DYM: variants seen among roughly 807,000 people sequenced by gnomAD.
DYM encodes the protein dyggve-Melchior-Clausen syndrome protein.
In DYM, 78 loss-of-function variants were observed where a neutral mutation model predicts 93.1. The ratio of observed to expected loss-of-function variants is 0.84; its 90% confidence interval spans 0.70 to 1.01. The LOEUF (loss-of-function observed/expected upper bound fraction) is 1.01. DYM is among the 50% of genes least tolerant of loss of function. The pLI is 0.00. For synonymous variants in DYM, 321 were observed against 319.7 expected (o/e 1.00, Z -0.04); for missense variants, 789 against 845.0 (o/e 0.93, Z 0.82).
rs566768350 is a variant in DYM at position 49,201,575 on chromosome 18, T to C, written c.1625+7976A>G. 1.2e-4 allele frequency among the ~76,000 whole-genome samples: 18 copies of C among 152,344 alleles called. No homozygotes were observed. The South Asian group carries it at 3.5e-3, about 30-fold the overall frequency. ...ATAAAATACATGAAATGGCCTGGCC[T>C]AGCATTCAAGGCCCTCGAGAGTCTG... On this transcript the variant is annotated intron_variant, in intron 14 of 17. Coordinates refer to ENST00000675505, the MANE Select transcript of DYM (RefSeq NM_001353214.3).
intron 2 of DYM, among the ~76,000 whole-genome samples, chr18:49,394,713 A>G (rs2069828671): frequency 6.6e-6 from 1 of 152,122 alleles, no homozygotes. Flanking sequence ...TTTCATCAAT[A>G]TCTTATAGTT....
intron 3 of DYM, among the ~76,000 whole-genome samples, chr18:49,382,809 T>C (rs1170597939): frequency 2.0e-5 from 3 of 152,292 alleles, no homozygotes; most frequent in African/African-American, 7.2e-5. Context: ...GATGCTTGTG[T>C]AAAGAAGGGA....
chr18:49,417,555 C>A (rs1048465880), intron 2 of DYM, among the ~76,000 whole-genome samples: 11 of 125,556 alleles, frequency 8.8e-5, no homozygotes, highest in African/African-American at 3.0e-4. Flanking sequence ...GTATATATGC[C>A]CCCCCATTAA....
At chr18:49,258,837 C>G (rs2094439500) in intron 11 of DYM, among the ~76,000 whole-genome samples, 4 of 138,038 alleles carry the variant, frequency 2.9e-5, no homozygotes, top group African/African-American at 2.8e-5. Context: ...CACACACACA[C>G]ACAGAGAGAG....
intron 17 of DYM, among the ~76,000 whole-genome samples, chr18:49,080,339 A>ACC (rs1368153923): frequency 1.2e-5 from 1 of 81,688 alleles, no homozygotes; most frequent in African/African-American, 4.9e-5. Context: ...CGGGGGGCTG[A>ACC]CCCCCCCCAA....
intron 15 of DYM, among the ~76,000 whole-genome samples, chr18:49,161,375 A>T (rs2087106874): frequency 6.6e-6 from 1 of 152,246 alleles, no homozygotes. Flanking sequence ...ATTAAAGAAG[A>T]ATGCTACTAA....
At chr18:49,291,218 T>C (rs2060090468) in intron 8 of DYM, among the ~76,000 whole-genome samples, 1 of 152,242 alleles carries the variant, frequency 6.6e-6, no homozygotes, top group African/African-American at 2.4e-5. Flanking sequence ...AAGCAATGTA[T>C]AACAAAACAA....
chr18:49,274,145 T>G (rs2094785751), intron 10 of DYM, among the ~76,000 whole-genome samples: 1 of 152,010 alleles, frequency 6.6e-6, no homozygotes, highest in Non-Finnish European at 1.5e-5. Context: ...CCCATACCCT[T>G]TAACTATCAC....
chr18:49,402,137 A>T (rs2070923148), intron 2 of DYM, among the ~76,000 whole-genome samples: 1 of 152,164 alleles, frequency 6.6e-6, no homozygotes. Context: ...GATTTCATGA[A>T]GAGAATCTCC....
At chr18:49,374,349 AG>A (rs2067297882) in intron 5 of DYM, among the ~76,000 whole-genome samples, 1 of 152,204 alleles carries the variant, frequency 6.6e-6, no homozygotes, top group African/African-American at 2.4e-5. Flanking sequence ...CAATCCCAAA[AG>A]AAGATCAAGA....
intron 17 of DYM, among the ~76,000 whole-genome samples, chr18:49,068,814 A>C (rs1649928173): frequency 1.3e-5 from 2 of 152,334 alleles, no homozygotes; most frequent in African/African-American, 4.8e-5. Flanking sequence ...ATTCCAAGCC[A>C]TCTTTTTTAT....
chr18:49,444,665 C>G (rs1255731499), intron 1 of DYM, among the ~76,000 whole-genome samples: 6 of 152,154 alleles, frequency 3.9e-5, no homozygotes, highest in Non-Finnish European at 7.4e-5. Flanking sequence ...AACGAACATT[C>G]CACATTTCAA....
intron 9 of DYM, among the ~76,000 whole-genome samples, chr18:49,282,434 G>A (rs1322902417): frequency 1.3e-5 from 2 of 152,062 alleles, no homozygotes; most frequent in Admixed American, 6.6e-5. Context: ...CCAACATGGT[G>A]AAACCCCATC....
At chr18:49,456,693 G>A (rs1444651493) in intron 1 of DYM, among the ~76,000 whole-genome samples, 1 of 151,964 alleles carries the variant, frequency 6.6e-6, no homozygotes, top group Non-Finnish European at 1.5e-5. Flanking sequence ...TACTAAATAA[G>A]ACCTATATGT....
At chr18:49,052,399 A>G (rs550291647) in intron 17 of DYM, among the ~76,000 whole-genome samples, 2 of 152,368 alleles carry the variant, frequency 1.3e-5, no homozygotes, top group East Asian at 3.9e-4. Flanking sequence ...TTAGAAGTCT[A>G]AAGTACTAAG....
At chr18:49,137,449 C>A (rs1043041140) in intron 15 of DYM, among the ~76,000 whole-genome samples, 1 of 152,130 alleles carries the variant, frequency 6.6e-6, no homozygotes, top group African/African-American at 2.4e-5. Context: ...TAATGCTTGC[C>A]TGCCTTTATG....
At position 49,282,121 on chromosome 18, in the gene DYM, CT is replaced by C; in HGVS notation, c.1000del (p.Ser334ValfsTer66). 6.2e-7 allele frequency: 1 copy of C among 1,613,846 alleles called. No homozygotes were observed. Among genetic ancestry groups the C allele is most frequent in the Non-Finnish European group, 8.5e-7 (1 of 1,179,922 alleles). ...IPHAFQINFN[S>X]LYTALCEQQT... ...CTGTTCACAAAGAGCTGTGTACAAA[CT>C]ATTAAAGTTGATCTGGAAGGCATGT... On this transcript the variant is annotated frameshift_variant, in exon 10 of 18. Transcript: ENST00000675505. LOFTEE classifies it high-confidence loss of function.
chr18:49,036,614 T>C lies in DYM; in HGVS notation c.*7441A>G, dbSNP rs1023731775. On this transcript the variant is annotated 3_prime_UTR_variant, in exon 18 of 18. Coordinates refer to ENST00000675505, the MANE Select transcript of DYM (RefSeq NM_001353214.3). ...TTGCCCAGGCTGGAGTGTGGTGCCA[T>C]GACCACAGCTCACTGCAGCCTCTAC... 6.7e-6 allele frequency among the ~76,000 whole-genome samples: 1 copy of C among 149,990 alleles called. No homozygotes were observed. Among genetic ancestry groups the C allele is most frequent in the African/African-American group, 2.5e-5 (1 of 40,682 alleles).
At chr18:49,441,838 G>T (rs966578363) in intron 1 of DYM, among the ~76,000 whole-genome samples, 1 of 152,106 alleles carries the variant, frequency 6.6e-6, no homozygotes, top group Non-Finnish European at 1.5e-5. Flanking sequence ...TAAAGCCTGG[G>T]GGTCTCTCTC....
Sources: allele counts gnomAD v4.1 joint callset (sites outside exome capture counted in the v4.1 genomes callset), GRCh38; gene constraint gnomAD v4.1.1; transcripts MANE v1.5; gene names NCBI Gene and HGNC (gene_info 2026-07-23, HGNC 2026-07-21).